IRAK3: variants seen among roughly 807,000 people sequenced by gnomAD.
IRAK3 encodes interleukin-1 receptor-associated kinase 3.
IRAK3 carries 57 observed loss-of-function variants against 56.6 expected under a neutral mutation model. The ratio of observed to expected loss-of-function variants is 1.01; its 90% confidence interval spans 0.81 to 1.26. The LOEUF is 1.26. Among genes scored for constraint, IRAK3 ranks in the 50% most tolerant of loss-of-function variants. The probability of loss-of-function intolerance (pLI) is 0.00; values close to 1 mark genes in which losing one functional copy is unlikely to be tolerated. For missense variants in IRAK3, 703 were observed against 719.0 expected (o/e 0.98, Z 0.25); for synonymous variants, 258 against 255.7 (o/e 1.01, Z -0.09).
At chr12:66,217,147 G>C in intron 5 of IRAK3, 24 bp from the exon 6 acceptor site, 1 of 1,527,182 alleles carries the variant, frequency 6.5e-7, no homozygotes, top group Non-Finnish European at 9.1e-7. Flanking sequence ...CCTTAATTTT[G>C]TTCTTGTCTT....
intron 8 of IRAK3, among the ~76,000 whole-genome samples, chr12:66,241,531 GA>G (rs1306711260): frequency 6.6e-6 from 1 of 152,208 alleles, no homozygotes; most frequent in African/African-American, 2.4e-5. Flanking sequence ...TGAAGCAGGG[GA>G]AAAGAATTAA....
intron 8 of IRAK3, chr12:66,234,376 C>G: frequency 1.2e-6 from 2 of 1,612,052 alleles, no homozygotes; most frequent in Non-Finnish European, 1.7e-6. Flanking sequence ...GAGGTTGCGT[C>G]CAAGAAGGAC....
Position 66,203,783 on chromosome 12 carries a change from C to G in IRAK3, c.206C>G (p.Thr69Arg). ...EKYVDQGKSG[T>R]RELLWSWAQK... is the part of the protein sequence containing the mutation. ...TATGTAGACCAAGGTAAAAGTGGAACAAGAGAATTACTTTGGTCCTGGGCA... is the reference window on the plus strand; with the variant it reads ...TATGTAGACCAAGGTAAAAGTGGAAGAAGAGAATTACTTTGGTCCTGGGCA... Residue 69 changes from threonine to arginine, a missense_variant, in exon 2 of 12, where the codon ACA (threonine) becomes AGA (arginine). Thr to Arg is a moderately conservative substitution (Grantham distance 71, BLOSUM62 -1). Coordinates refer to ENST00000261233, the MANE Select transcript of IRAK3 (RefSeq NM_007199.3). 1 of 1,613,846 alleles carries G rather than the reference C, an allele frequency of 6.2e-7. No homozygotes were observed. The highest frequency in any genetic ancestry group is 8.5e-7 in the Non-Finnish European group (1 of 1,179,798).
At chr12:66,191,639 A>C (rs2052400849) in intron 1 of IRAK3, among the ~76,000 whole-genome samples, 1 of 152,192 alleles carries the variant, frequency 6.6e-6, no homozygotes. Context: ...CTCAGCAAGA[A>C]GGCAAGGCTA....
intron 8 of IRAK3, chr12:66,235,286 A>T: frequency 6.9e-7 from 1 of 1,440,944 alleles, no homozygotes; most frequent in South Asian, 1.5e-5. Flanking sequence ...GGGGAAGATC[A>T]TCGCTGCGGG....
intron 8 of IRAK3, among the ~76,000 whole-genome samples, chr12:66,241,119 A>T (rs1433898739): frequency 6.6e-6 from 1 of 152,146 alleles, no homozygotes; most frequent in Non-Finnish European, 1.5e-5. Flanking sequence ...TAATAGAGAG[A>T]TTAAGTAACA....
chr12:66,236,614 C>CT (rs1245417311), intron 8 of IRAK3, among the ~76,000 whole-genome samples: 1 of 151,832 alleles, frequency 6.6e-6, no homozygotes, highest in African/African-American at 2.4e-5. Flanking sequence ...AGACCCAGGT[C>CT]TTTTTTCTCT....
At chr12:66,241,899 T>C (rs559784221) in intron 8 of IRAK3, among the ~76,000 whole-genome samples, 2 of 152,326 alleles carry the variant, frequency 1.3e-5, no homozygotes, top group South Asian at 4.1e-4. Flanking sequence ...CCAGCTTTGC[T>C]ATGGGTCAAA....
At chr12:66,199,461 A>G (rs17767298) in intron 1 of IRAK3, among the ~76,000 whole-genome samples, 37,704 of 152,116 alleles carry the variant, frequency 0.25, 4,981 homozygotes, top group Middle Eastern at 0.4. Context: ...CTTGTTTTCA[A>G]TCTGAAACTG....
chr12:66,240,825 T>C (rs1269336612), intron 8 of IRAK3, among the ~76,000 whole-genome samples: 2 of 148,700 alleles, frequency 1.3e-5, no homozygotes, highest in Non-Finnish European at 3.0e-5. Context: ...CCCACATATA[T>C]ATATATATAA....
intron 5 of IRAK3, among the ~76,000 whole-genome samples, chr12:66,214,418 G>GTA (rs1010752586): frequency 6.6e-6 from 1 of 152,010 alleles, no homozygotes; most frequent in African/African-American, 2.4e-5. Flanking sequence ...GTGCCTGCCT[G>GTA]TAGTTCCAGC....
chr12:66,204,053 T>C (rs1344272755), intron 2 of IRAK3, among the ~76,000 whole-genome samples, 160 bp downstream of exon 2: 3 of 152,246 alleles, frequency 2.0e-5, no homozygotes, highest in African/African-American at 7.2e-5. Context: ...CTTCACATTT[T>C]CTTGTGACAC....
chr12:66,198,019 AC>A (rs1421131362), intron 1 of IRAK3: 1 of 985,130 alleles, frequency 1.0e-6, no homozygotes, highest in African/African-American at 1.7e-5. Context: ...ATAGCTATAA[AC>A]TGTGCCTTTC....
chr12:66,229,716 G>C (rs1277564943), intron 8 of IRAK3, among the ~76,000 whole-genome samples: 1 of 152,132 alleles, frequency 6.6e-6, no homozygotes, highest in East Asian at 1.9e-4. Context: ...AGTCAGTGGA[G>C]TTATCCGTTG....
At chr12:66,192,601 C>CAAGA (rs1025671049) in intron 1 of IRAK3, among the ~76,000 whole-genome samples, 13 of 151,938 alleles carry the variant, frequency 8.6e-5, no homozygotes, top group Admixed American at 3.3e-4. Flanking sequence ...TTCTTCCTCT[C>CAAGA]AAGAAAGAAA....
intron 11 of IRAK3, among the ~76,000 whole-genome samples, chr12:66,247,279 CAAAA>C (rs564560650): frequency 9.6e-4 from 140 of 146,518 alleles, no homozygotes; most frequent in African/African-American, 3.3e-3. Context: ...CAAAAAAAAA[CAAAA>C]CAAACAAACA....
At chr12:66,194,112 G>T (rs544523072) in intron 1 of IRAK3, among the ~76,000 whole-genome samples, 2 of 152,098 alleles carry the variant, frequency 1.3e-5, no homozygotes, top group Non-Finnish European at 2.9e-5. Flanking sequence ...GTATGGATGG[G>T]GCCAGGCTGG....
Position 66,245,081 on chromosome 12 carries a change from T to C in IRAK3, c.1150-17T>C. 9.9e-6 allele frequency: 16 copies of C among 1,614,074 alleles called. No individual in the cohort carries two copies. The highest frequency in any genetic ancestry group is 1.4e-5 in the Non-Finnish European group (16 of 1,179,938). Reference sequence around the variant, plus strand: ...GATCAAGTTCTCTGTGATAAAATTGTCTCCCTCTCTTCCAAGCGGGATCTC... The same window carrying C: ...GATCAAGTTCTCTGTGATAAAATTGCCTCCCTCTCTTCCAAGCGGGATCTC... On this transcript the variant is annotated splice_polypyrimidine_tract_variant and intron_variant, in intron 10 of 11. Transcript: ENST00000261233.
intron 8 of IRAK3, among the ~76,000 whole-genome samples, chr12:66,231,152 A>G (rs114375338): frequency 2.3e-3 from 349 of 152,272 alleles, no homozygotes; most frequent in African/African-American, 8.4e-3. Context: ...TCTATCGTCA[A>G]TTTATAGTGT....
Sources: gnomAD v4.1 joint callset for allele counts (sites outside exome capture counted in the v4.1 genomes callset) on GRCh38, gnomAD v4.1.1 for gene constraint, MANE v1.5 for transcripts, NCBI Gene and HGNC (gene_info 2026-07-23, HGNC 2026-07-21) for gene names.